Variants in COL21A1 observed in about 807,000 individuals in gnomAD.
COL21A1 encodes the protein collagen type XXI alpha 1 chain.
COL21A1 carries 149 observed loss-of-function variants against 137.9 expected under a neutral mutation model. The observed-to-expected ratio is 1.08, with a 90% CI of 0.95 to 1.24. COL21A1 has a LOEUF of 1.24. Among genes scored for constraint, COL21A1 ranks in the 50% most tolerant of loss-of-function variants. The pLI is 0.00. For synonymous variants in COL21A1, 456 were observed against 391.5 expected (o/e 1.16, Z -1.95); for missense variants, 1,167 against 1,158.4 (o/e 1.01, Z -0.11).
chr6:56,369,526 T>C (rs1010639763), intron 1 of COL21A1, among the ~76,000 whole-genome samples: 2 of 152,088 alleles, frequency 1.3e-5, no homozygotes, highest in African/African-American at 4.8e-5. Flanking sequence ...AAAAAACTGA[T>C]GTATGTGACT....
At chr6:56,079,515 G>A (rs1018442670) in intron 17 of COL21A1, among the ~76,000 whole-genome samples, 9 of 151,394 alleles carry the variant, frequency 5.9e-5, no homozygotes, top group East Asian at 1.9e-4. Context: ...AGGTTTCCAC[G>A]AACAGCACCT....
chr6:56,181,399 G>C (rs900448730), intron 2 of COL21A1, among the ~76,000 whole-genome samples: 1 of 145,926 alleles, frequency 6.9e-6, no homozygotes, highest in Non-Finnish European at 1.5e-5. Flanking sequence ...TTTGTTTTTT[G>C]TTTTTTTTTT....
At chr6:56,386,654 A>G (rs79033255) in intron 1 of COL21A1, among the ~76,000 whole-genome samples, 36,947 of 151,814 alleles carry the variant, frequency 0.24, 5,464 homozygotes, top group African/African-American at 0.42. Flanking sequence ...TGATCTCGTT[A>G]TGGCTTTGAT....
chr6:56,097,790 T>G (rs535142619), intron 17 of COL21A1, among the ~76,000 whole-genome samples: 2 of 118,216 alleles, frequency 1.7e-5, no homozygotes, highest in Non-Finnish European at 3.3e-5. Flanking sequence ...TATAAAAATA[T>G]ATATATAAAT....
chr6:56,272,755 GCAGTTTCCC>G (rs1763558694), intron 1 of COL21A1, among the ~76,000 whole-genome samples: 1 of 152,050 alleles, frequency 6.6e-6, no homozygotes, highest in African/African-American at 2.4e-5. Context: ...TTTAAAAGTG[GCAGTTTCCC>G]CTGAACTCTC....
At chr6:56,323,331 C>A (rs1200741614) in intron 1 of COL21A1, among the ~76,000 whole-genome samples, 2 of 152,038 alleles carry the variant, frequency 1.3e-5, no homozygotes, top group African/African-American at 4.8e-5. Flanking sequence ...TAATTGGAAA[C>A]AAACTCAAAG....
intron 1 of COL21A1, among the ~76,000 whole-genome samples, chr6:56,314,346 C>T (rs1217542611): frequency 2.0e-5 from 3 of 152,150 alleles, no homozygotes; most frequent in Admixed American, 6.5e-5. Flanking sequence ...CTTCTCCTTC[C>T]TTCAAACAAA....
At chr6:56,146,926 C>T (rs1293618287) in intron 10 of COL21A1, among the ~76,000 whole-genome samples, 2 of 152,120 alleles carry the variant, frequency 1.3e-5, no homozygotes, top group African/African-American at 4.8e-5. Context: ...AGAGCAACAT[C>T]ATCCAGTTTC....
intron 1 of COL21A1, among the ~76,000 whole-genome samples, chr6:56,186,327 G>A (rs1314418955): frequency 2.6e-5 from 4 of 152,114 alleles, no homozygotes; most frequent in Non-Finnish European, 5.9e-5. Context: ...AAAACTTTCA[G>A]CAAACTAAGA....
At chr6:56,216,640 T>C (rs1780505846) in intron 1 of COL21A1, among the ~76,000 whole-genome samples, 1 of 152,060 alleles carries the variant, frequency 6.6e-6, no homozygotes, top group Non-Finnish European at 1.5e-5. Context: ...CAATGCTAGG[T>C]CAACATTATT....
At chr6:56,364,524 T>G (rs1247535925) in intron 1 of COL21A1, among the ~76,000 whole-genome samples, 1 of 152,172 alleles carries the variant, frequency 6.6e-6, no homozygotes, top group Non-Finnish European at 1.5e-5. Flanking sequence ...CCAACTTATC[T>G]CCATCCATAG....
chr6:56,333,586 T>C (rs1043121455), intron 1 of COL21A1, among the ~76,000 whole-genome samples: 1 of 152,146 alleles, frequency 6.6e-6, no homozygotes, highest in African/African-American at 2.4e-5. Flanking sequence ...AAAGCTGCTA[T>C]GAACATTCAC....
chr6:56,096,605 T>C (rs1348799657), intron 17 of COL21A1, among the ~76,000 whole-genome samples: 2 of 152,222 alleles, frequency 1.3e-5, no homozygotes, highest in African/African-American at 4.8e-5. Flanking sequence ...TTTGAAGCAA[T>C]ATAATCATTT....
At chr6:56,388,064 A>G (rs2094021672) in intron 1 of COL21A1, among the ~76,000 whole-genome samples, 1 of 152,174 alleles carries the variant, frequency 6.6e-6, no homozygotes, top group African/African-American at 2.4e-5. Flanking sequence ...CAACTTGGGT[A>G]CCAGCTCAGC....
In COL21A1 at chr6:56,292,036, G is replaced by T. The variant is rs1367820640; in HGVS notation, c.-39+101935C>A. 1.2e-4 allele frequency among the ~76,000 whole-genome samples: 18 copies of T among 152,200 alleles called. 1 individual carries two copies. The highest frequency in any genetic ancestry group is 4.3e-4 in the African/African-American group (18 of 41,502). On this transcript the variant is annotated intron_variant, in intron 1 of 28. Transcript: ENST00000370819. ...ACACAAAAATTATCTGGGTGTGGTG[G>T]TACACGCCTGTAATCTGAGCTACTC...
intron 1 of COL21A1, among the ~76,000 whole-genome samples, chr6:56,362,369 T>C (rs987588509): frequency 2.6e-5 from 4 of 152,144 alleles, no homozygotes; most frequent in Admixed American, 1.3e-4. Context: ...AATAAGTATG[T>C]ATTATTTTTT....
chr6:56,341,816 A>G (rs1765475173), intron 1 of COL21A1, among the ~76,000 whole-genome samples: 2 of 152,190 alleles, frequency 1.3e-5, no homozygotes, highest in African/African-American at 4.8e-5. Context: ...CTGTGCATAC[A>G]TGGTGGCAGG....
chr6:56,102,083 A>G (rs1770510946), intron 16 of COL21A1, among the ~76,000 whole-genome samples: 1 of 152,138 alleles, frequency 6.6e-6, no homozygotes, highest in South Asian at 2.1e-4. Flanking sequence ...AGTGATATAT[A>G]CCTTTACATT....
intron 1 of COL21A1, among the ~76,000 whole-genome samples, chr6:56,350,713 A>C (rs1193573828): frequency 6.6e-6 from 1 of 152,148 alleles, no homozygotes; most frequent in Non-Finnish European, 1.5e-5. Context: ...TGTGTACCAG[A>C]ATTGTATTCT....
Sources: allele counts gnomAD v4.1 joint callset (sites outside exome capture counted in the v4.1 genomes callset), GRCh38; gene constraint gnomAD v4.1.1; transcripts MANE v1.5; gene names NCBI Gene and HGNC (gene_info 2026-07-23, HGNC 2026-07-21).